NYAP2: variants seen among roughly 807,000 people sequenced by gnomAD.
NYAP2 encodes the protein neuronal tyrosine-phosphorylated phosphoinositide-3-kinase adaptor 2, also known as neuronal tyrosine-phosphorylated phosphoinositide-3-kinase adapter 2.
In NYAP2, 23 loss-of-function variants were observed where a neutral mutation model predicts 50.4. The observed-to-expected ratio is 0.46, with a 90% CI of 0.33 to 0.65. The LOEUF is 0.65. Ranked by LOEUF, NYAP2 falls within the 30% of genes least tolerant of loss-of-function variation. NYAP2 has a pLI of 0.02. For synonymous variants in NYAP2, 394 were observed against 365.2 expected (o/e 1.08, Z -0.90); for missense variants, 885 against 861.0 (o/e 1.03, Z -0.35).
chr2:225,631,870 T>C (rs1168274564), intron 6 of NYAP2, among the ~76,000 whole-genome samples: 1 of 152,136 alleles, frequency 6.6e-6, no homozygotes, highest in Non-Finnish European at 1.5e-5. Context: ...CAGGCTGGAG[T>C]ACAATGGCAT....
intron 4 of NYAP2, among the ~76,000 whole-genome samples, chr2:225,568,894 CTCTG>C (rs1559216958): frequency 6.6e-6 from 1 of 152,116 alleles, no homozygotes; most frequent in Non-Finnish European, 1.5e-5. Flanking sequence ...CCCCCTTATA[CTCTG>C]AAGGTTTCCT....
At chr2:225,530,100 A>AT (rs950742870) in intron 4 of NYAP2, among the ~76,000 whole-genome samples, 15 of 151,880 alleles carry the variant, frequency 9.9e-5, no homozygotes, top group East Asian at 1.9e-4. Context: ...CTATAAAATT[A>AT]TTTTTTTTTT....
chr2:225,680,104 C>A, the NYAP2 span, among the ~76,000 whole-genome samples: 1 of 152,164 alleles, frequency 6.6e-6, no homozygotes, highest in African/African-American at 2.4e-5. Flanking sequence ...TTGCATATTT[C>A]TTGCACACAA....
chr2:225,589,747 A>G (rs1692462811), intron 5 of NYAP2, among the ~76,000 whole-genome samples: 1 of 151,972 alleles, frequency 6.6e-6, no homozygotes, highest in African/African-American at 2.4e-5. Flanking sequence ...TTGCAGGTGA[A>G]ATAGTTAAGG....
At chr2:225,596,839 C>T (rs980172577) in intron 5 of NYAP2, among the ~76,000 whole-genome samples, 5 of 152,018 alleles carry the variant, frequency 3.3e-5, no homozygotes, top group African/African-American at 1.2e-4. Context: ...TAACAAGCAG[C>T]AAGATAAATG....
intron 4 of NYAP2, among the ~76,000 whole-genome samples, chr2:225,580,339 G>A (rs949614133): frequency 6.6e-6 from 1 of 152,164 alleles, no homozygotes; most frequent in Non-Finnish European, 1.5e-5. Context: ...CAAGTTAGGT[G>A]GTACAATTAT....
At chr2:225,534,907 G>A (rs941434161) in intron 4 of NYAP2, among the ~76,000 whole-genome samples, 9 of 152,314 alleles carry the variant, frequency 5.9e-5, no homozygotes, top group African/African-American at 1.4e-4. Flanking sequence ...GCAGTTTTGC[G>A]TCATCGGAGC....
At chr2:225,500,935 G>A (rs957006173) in intron 3 of NYAP2, among the ~76,000 whole-genome samples, 2 of 152,160 alleles carry the variant, frequency 1.3e-5, no homozygotes, top group Non-Finnish European at 2.9e-5. Context: ...TATTTTGGTA[G>A]TTTTGCACCC....
At chr2:225,653,658 A>G (rs1006007004) in exon 7 of NYAP2, 3 of 152,226 alleles carry the variant, frequency 2.0e-5, no homozygotes, top group Admixed American at 1.3e-4. Flanking sequence ...TCTAGAGATG[A>G]AGTGGTAAGC....
intron 3 of NYAP2, among the ~76,000 whole-genome samples, chr2:225,507,011 C>A (rs1380165413): frequency 6.6e-6 from 1 of 152,142 alleles, no homozygotes; most frequent in Admixed American, 6.5e-5. Flanking sequence ...GGTTTTTGAG[C>A]TCAACTCCAA....
At chr2:225,420,447 C>G (rs1252856881) in intron 3 of NYAP2, among the ~76,000 whole-genome samples, 2 of 152,024 alleles carry the variant, frequency 1.3e-5, no homozygotes, top group Non-Finnish European at 1.5e-5. Context: ...AGTTTGATTT[C>G]TTTTCTGAAG....
At chr2:225,544,927 A>C (rs563602018) in intron 4 of NYAP2, among the ~76,000 whole-genome samples, 1 of 152,152 alleles carries the variant, frequency 6.6e-6, no homozygotes, top group East Asian at 1.9e-4. Context: ...TTTCTTCTTC[A>C]TGCTTGAAGG....
intron 5 of NYAP2, among the ~76,000 whole-genome samples, chr2:225,625,737 C>A (rs551776681): frequency 1.3e-5 from 2 of 152,180 alleles, no homozygotes; most frequent in South Asian, 2.1e-4. Flanking sequence ...GGTGGAGATT[C>A]TTGCCGATGA....
chr2:225,601,427 C>G (rs901699299), intron 5 of NYAP2, among the ~76,000 whole-genome samples: 1 of 152,164 alleles, frequency 6.6e-6, no homozygotes, highest in Non-Finnish European at 1.5e-5. Context: ...GCGTGGACCA[C>G]CAAACCCAGC....
At chr2:225,577,339 G>C (rs916339949) in intron 4 of NYAP2, among the ~76,000 whole-genome samples, 4 of 152,044 alleles carry the variant, frequency 2.6e-5, no homozygotes, top group Non-Finnish European at 4.4e-5. Flanking sequence ...GTTGAATTTG[G>C]TTAAATTGAA....
intron 3 of NYAP2, among the ~76,000 whole-genome samples, chr2:225,459,286 T>C (rs1689786235): frequency 6.6e-6 from 1 of 152,224 alleles, no homozygotes; most frequent in Admixed American, 6.5e-5. Context: ...TGCACAACAA[T>C]GCAGTGTTGA....
At chr2:225,671,228 C>T in the NYAP2 span, among the ~76,000 whole-genome samples, 1 of 152,052 alleles carries the variant, frequency 6.6e-6, no homozygotes, top group Non-Finnish European at 1.5e-5. Context: ...TGTTTGAGAA[C>T]ATTTTCCCCA....
chr2:225,579,647 C>G (rs1339114957), intron 4 of NYAP2, among the ~76,000 whole-genome samples: 1 of 152,178 alleles, frequency 6.6e-6, no homozygotes, highest in East Asian at 1.9e-4. Context: ...GAAGTTGTCA[C>G]CAGTGTTGTT....
intron 3 of NYAP2, among the ~76,000 whole-genome samples, chr2:225,448,752 A>G (rs1689601588): frequency 6.6e-6 from 1 of 152,168 alleles, no homozygotes; most frequent in South Asian, 2.1e-4. Context: ...GTGACAAGCC[A>G]TTGTCTTTGT....
Sources: allele counts gnomAD v4.1 joint callset (sites outside exome capture counted in the v4.1 genomes callset), GRCh38; gene constraint gnomAD v4.1.1; transcripts MANE v1.5; gene names NCBI Gene and HGNC (gene_info 2026-07-23, HGNC 2026-07-21).